The following COL21A1 variants were observed in gnomAD, a reference collection of about 807,000 sequenced individuals.
COL21A1 encodes the protein collagen alpha-1(XXI) chain.
A neutral mutation model predicts 137.9 loss-of-function variants in COL21A1; 149 were observed. The ratio of observed to expected loss-of-function variants is 1.08; its 90% CI spans 0.95 to 1.24. The LOEUF (loss-of-function observed/expected upper bound fraction) is 1.24. Ranked by LOEUF, COL21A1 falls within the 50% of genes most tolerant of loss-of-function variation. The pLI, the probability that COL21A1 is intolerant of heterozygous loss-of-function variation, is 0.00. For synonymous variants in COL21A1, 456 were observed against 391.5 expected (o/e 1.16, Z -1.95); for missense variants, 1,167 against 1,158.4 (o/e 1.01, Z -0.11).
chr6:56,261,859 C>G (rs1458783781), intron 1 of COL21A1, among the ~76,000 whole-genome samples: 1 of 152,140 alleles, frequency 6.6e-6, no homozygotes, highest in South Asian at 2.1e-4. Flanking sequence ...GTCTGCCATT[C>G]ATGTGGAAGA....
At chr6:56,378,462 G>A (rs952607832) in intron 1 of COL21A1, among the ~76,000 whole-genome samples, 6 of 152,176 alleles carry the variant, frequency 3.9e-5, no homozygotes, top group Admixed American at 2.0e-4. Context: ...TGGGCCTGCC[G>A]AGGCAGTGGC....
At chr6:56,268,322 G>A (rs1763442847) in intron 1 of COL21A1, among the ~76,000 whole-genome samples, 1 of 152,174 alleles carries the variant, frequency 6.6e-6, no homozygotes. Flanking sequence ...AAACATGGGT[G>A]CGGTTCCAGG....
chr6:56,129,200 G>A (rs907133553), intron 12 of COL21A1, among the ~76,000 whole-genome samples: 2 of 152,062 alleles, frequency 1.3e-5, no homozygotes, highest in African/African-American at 2.4e-5. Context: ...TATCATTTCC[G>A]GAACCTGTGG....
chr6:56,141,659 C>T (rs369977431), intron 12 of COL21A1, 126 bp downstream of exon 12: 2 of 993,748 alleles, frequency 2.0e-6, no homozygotes. Flanking sequence ...TAGCCACTGA[C>T]AAATTTCTGA....
At chr6:56,302,093 G>A (rs1233300988) in intron 1 of COL21A1, among the ~76,000 whole-genome samples, 4 of 151,828 alleles carry the variant, frequency 2.6e-5, no homozygotes, top group Non-Finnish European at 5.9e-5. Context: ...ATTCCATGGT[G>A]TATATGTGCC....
At chr6:56,384,021 T>A (rs921285868) in intron 1 of COL21A1, among the ~76,000 whole-genome samples, 1 of 152,136 alleles carries the variant, frequency 6.6e-6, no homozygotes, top group Non-Finnish European at 1.5e-5. Context: ...TAGGCACAAT[T>A]CTTAGCCCCC....
intron 1 of COL21A1, among the ~76,000 whole-genome samples, chr6:56,311,848 A>G (rs961041642): frequency 2.6e-5 from 4 of 152,214 alleles, no homozygotes; most frequent in African/African-American, 4.8e-5. Context: ...TCAAGACTCT[A>G]TGTTAGCACA....
At position 56,230,712 on chromosome 6, in the gene COL21A1, C is replaced by T. The variant is rs139230282; in HGVS notation, c.-39+16675G>A. On this transcript the variant is annotated intron_variant, in intron 1 of 29. Coordinates refer to ENST00000244728, the MANE Select transcript of COL21A1 (RefSeq NM_030820.4). The stretch of plus-strand genomic sequence containing the variant: ...TGAGTATCTAACTCCTTACCACATG[C>T]TTAATATTGCACAATTTTAAATGTT... Among the ~76,000 whole-genome samples, 200 of 151,906 alleles carry T rather than the reference C, an allele frequency of 1.3e-3. 1 individual carries two copies. The highest frequency in any genetic ancestry group is 0.012 in the South Asian group (60 of 4,818).
intron 1 of COL21A1, among the ~76,000 whole-genome samples, chr6:56,207,371 A>C (rs749403135): frequency 3.9e-5 from 6 of 152,228 alleles, no homozygotes; most frequent in Admixed American, 6.5e-5. Context: ...CTGATCCCAC[A>C]GAAATACAAA....
intron 1 of COL21A1, among the ~76,000 whole-genome samples, chr6:56,233,863 C>T (rs114215754): frequency 0.033 from 4,932 of 151,406 alleles, 176 homozygotes; most frequent in African/African-American, 0.084. Context: ...TTTAGCTTGT[C>T]TAGAGACTTC....
chr6:56,358,774 A>G (rs1471324013), intron 1 of COL21A1, among the ~76,000 whole-genome samples: 3 of 152,212 alleles, frequency 2.0e-5, no homozygotes, highest in Non-Finnish European at 2.9e-5. Flanking sequence ...AAAAAAGCCT[A>G]AAATCTCCAA....
rs180934061 is a variant in COL21A1 at position 56,220,302 on chromosome 6, A to G, written c.-39+27085T>C. 3.7e-3 allele frequency among the ~76,000 whole-genome samples: 568 copies of G among 152,262 alleles called. 6 individuals are homozygous for G. The highest frequency in any genetic ancestry group is 1.5e-3 in the Non-Finnish European group (105 of 68,004). On this transcript the variant is annotated intron_variant, in intron 1 of 29. Coordinates refer to ENST00000244728, the MANE Select transcript of COL21A1 (RefSeq NM_030820.4). ...CAAAGAATTCTGGTGCTACAGAAGC[A>G]GAGAAAATAGCCTGGGGGAATCCAA... is the stretch of plus-strand genomic sequence containing the variant.
intron 17 of COL21A1, among the ~76,000 whole-genome samples, chr6:56,098,552 TATATAAATATATAA>T (rs1769977424): frequency 3.7e-5 from 1 of 26,756 alleles, no homozygotes; most frequent in East Asian, 2.4e-3. Flanking sequence ...TATATAAATA[TATATAAATATATAA>T]ATATATATAA....
chr6:56,065,164 G>C (rs1056702883), intron 23 of COL21A1, among the ~76,000 whole-genome samples: 1 of 151,862 alleles, frequency 6.6e-6, no homozygotes, highest in African/African-American at 2.4e-5. Flanking sequence ...AAGTATTTTT[G>C]GGTATCTACC....
chr6:56,357,607 T>C (rs1765864198), intron 1 of COL21A1, among the ~76,000 whole-genome samples: 1 of 152,204 alleles, frequency 6.6e-6, no homozygotes, highest in East Asian at 1.9e-4. Context: ...TGCTTCAGGA[T>C]TGTGGAGATT....
intron 16 of COL21A1, among the ~76,000 whole-genome samples, chr6:56,117,582 C>T (rs1015434413): frequency 7.9e-5 from 12 of 151,864 alleles, no homozygotes; most frequent in Middle Eastern, 3.2e-3. Context: ...ACAGACCAAA[C>T]GAATCAAATA....
intron 1 of COL21A1, among the ~76,000 whole-genome samples, chr6:56,303,464 T>C (rs1764353538): frequency 6.6e-6 from 1 of 152,204 alleles, no homozygotes; most frequent in Non-Finnish European, 1.5e-5. Context: ...GTAAGTTGGA[T>C]TCCTAGGTAT....
intron 17 of COL21A1, among the ~76,000 whole-genome samples, chr6:56,098,396 T>TATATAA (rs1769866767): frequency 1.0e-4 from 2 of 19,904 alleles, no homozygotes; most frequent in African/African-American, 6.5e-4. Context: ...TATATAAATA[T>TATATAA]ATATATAAAT....
intron 17 of COL21A1, among the ~76,000 whole-genome samples, chr6:56,079,282 G>T (rs1489235765): frequency 6.6e-6 from 1 of 151,658 alleles, no homozygotes; most frequent in Non-Finnish European, 1.5e-5. Flanking sequence ...AATAACCTTG[G>T]CTCCCAGAGT....
Sources: gnomAD v4.1 joint callset for allele counts (sites outside exome capture counted in the v4.1 genomes callset) on GRCh38, gnomAD v4.1.1 for gene constraint, MANE v1.5 for transcripts, NCBI Gene and HGNC (gene_info 2026-07-23, HGNC 2026-07-21) for gene names.